ARMC2: variants seen among roughly 807,000 people sequenced by gnomAD.
The protein encoded by ARMC2 is armadillo repeat-containing protein 2.
A neutral mutation model predicts 90.3 loss-of-function variants in ARMC2; 67 were observed. The observed-to-expected ratio is 0.74, with a 90% CI of 0.61 to 0.91. The LOEUF (loss-of-function observed/expected upper bound fraction) is 0.91. Among genes scored for constraint, ARMC2 ranks in the 40% least tolerant of loss-of-function variants. ARMC2 has a pLI of 0.00. For synonymous variants in ARMC2, 393 were observed against 393.0 expected (o/e 1.00, Z 0.00); for missense variants, 920 against 1,030.9 (o/e 0.89, Z 1.47).
intron 1 of ARMC2, among the ~76,000 whole-genome samples, chr6:108,850,220 T>G (rs1372731461): frequency 6.6e-6 from 1 of 152,238 alleles, no homozygotes; most frequent in African/African-American, 2.4e-5. Flanking sequence ...GCTGGTGGTG[T>G]TCACCCTCTA....
At chr6:108,888,296 C>G (rs1327743865) in intron 5 of ARMC2, among the ~76,000 whole-genome samples, 1 of 152,174 alleles carries the variant, frequency 6.6e-6, no homozygotes, top group Non-Finnish European at 1.5e-5. Flanking sequence ...CTGTGCCAAG[C>G]AATCGCACAT....
At chr6:108,937,115 T>TA (rs1381981373) in intron 12 of ARMC2, 116 bp downstream of exon 12, 1 of 896,360 alleles carries the variant, frequency 1.1e-6, no homozygotes, top group African/African-American at 1.7e-5. Flanking sequence ...AAACTTCCAT[T>TA]AAATGTATAA....
chr6:108,855,127 A>G (rs921753666), intron 2 of ARMC2, among the ~76,000 whole-genome samples: 13 of 152,198 alleles, frequency 8.5e-5, no homozygotes, highest in African/African-American at 2.7e-4. Flanking sequence ...CAGTTTATCT[A>G]TCCATTCACC....
rs1481979696 is a variant in ARMC2 at position 108,973,770 on chromosome 6, T to A, written c.*256T>A. 1 of 322,134 alleles carries A rather than the reference T, an allele frequency of 3.1e-6. No individual in the cohort carries two copies. Among genetic ancestry groups the A allele is most frequent in the East Asian group, 5.3e-5 (1 of 19,008 alleles). 20.0% of individuals were successfully genotyped at this position (322,134 alleles called of 1,614,324 possible). On this transcript the variant is annotated 3_prime_UTR_variant, in exon 18 of 18. Transcript: ENST00000392644. ...ATATGTGCATTTTCAAGTAAATGAC[T>A]TTTTCTTCTATTCTCTATTAAACAA...
chr6:108,904,501 A>G (rs1772469756), intron 8 of ARMC2, 96 bp downstream of exon 8: 1 of 1,197,938 alleles, frequency 8.3e-7, no homozygotes, highest in Non-Finnish European at 1.1e-6. Flanking sequence ...TTAGAAATGC[A>G]GTGTATTTGT....
chr6:108,918,568 G>T (rs147232897), intron 10 of ARMC2, among the ~76,000 whole-genome samples: 1 of 151,538 alleles, frequency 6.6e-6, no homozygotes, highest in Non-Finnish European at 1.5e-5. Context: ...ATTGTTTGCC[G>T]TTGGGAACCC....
At chr6:108,902,241 T>A (rs1772231186) in intron 7 of ARMC2, among the ~76,000 whole-genome samples, 1 of 152,250 alleles carries the variant, frequency 6.6e-6, no homozygotes, top group African/African-American at 2.4e-5. Context: ...CTTTTGAAGC[T>A]ATAGAGCATT....
chr6:108,972,724 C>T (rs6927930), intron 17 of ARMC2, among the ~76,000 whole-genome samples: 7,198 of 152,142 alleles, frequency 0.047, 309 homozygotes, highest in African/African-American at 0.12. Flanking sequence ...ATGGCGGTGG[C>T]ATGATCGTGC....
chr6:108,899,397 C>T (rs1323477765), intron 6 of ARMC2, among the ~76,000 whole-genome samples: 2 of 152,128 alleles, frequency 1.3e-5, no homozygotes, highest in East Asian at 3.8e-4. Context: ...TAAAAATGTA[C>T]TCAAAACTGT....
At chr6:109,026,415 C>G in the ARMC2 span, among the ~76,000 whole-genome samples, 1 of 152,234 alleles carries the variant, frequency 6.6e-6, no homozygotes, top group Non-Finnish European at 1.5e-5. Context: ...ACATTCTGTA[C>G]GAATTCTGAA....
intron 11 of ARMC2, among the ~76,000 whole-genome samples, chr6:108,933,986 A>G (rs1024644758): frequency 4.6e-5 from 7 of 152,094 alleles, no homozygotes; most frequent in South Asian, 2.1e-4. Context: ...CTCAGCCTCC[A>G]GAGTAGCTGG....
At chr6:108,909,629 G>A (rs367853931) in intron 8 of ARMC2, among the ~76,000 whole-genome samples, 2 of 152,012 alleles carry the variant, frequency 1.3e-5, no homozygotes, top group Admixed American at 6.5e-5. Flanking sequence ...TCCGCCTCCC[G>A]GGTTCAAGTG....
rs545067465 is a variant in ARMC2 at position 108,900,433 on chromosome 6, C to T, written c.847+641C>T. On this transcript the variant is annotated intron_variant, in intron 7 of 17. Transcript: ENST00000392644. Reference sequence around the variant, plus strand: ...AGCTAGCTCCTCAAGGATTCTCTTTCTGAAGTTAACCAGGCTCCTCTGGAG... The same window carrying T: ...AGCTAGCTCCTCAAGGATTCTCTTTTTGAAGTTAACCAGGCTCCTCTGGAG... Among the ~76,000 whole-genome samples the T allele has an allele frequency of 1.3e-4, 20 of 152,334 alleles. 1 individual carries two copies. The South Asian group carries it at 3.7e-3, about 28-fold the overall frequency.
chr6:109,004,352 C>G, the ARMC2 span, among the ~76,000 whole-genome samples: 3 of 151,556 alleles, frequency 2.0e-5, no homozygotes, highest in Non-Finnish European at 4.4e-5. Context: ...AAACAGAAAG[C>G]TAGGAATTAT....
intron 13 of ARMC2, 37 bp downstream of exon 13, chr6:108,953,388 C>A: frequency 5.2e-6 from 8 of 1,550,752 alleles, no homozygotes; most frequent in Non-Finnish European, 6.1e-6. Flanking sequence ...GCAGACACAA[C>A]CAACTTTCCC....
chr6:108,977,244 T>A (rs1360367926), downstream of ARMC2, among the ~76,000 whole-genome samples: 1 of 152,238 alleles, frequency 6.6e-6, no homozygotes, highest in African/African-American at 2.4e-5. Context: ...CTTTTCTGCA[T>A]CTATTGAGAT....
At chr6:108,985,002 A>ATCTT in the ARMC2 span, among the ~76,000 whole-genome samples, 1 of 152,200 alleles carries the variant, frequency 6.6e-6, no homozygotes, top group African/African-American at 2.4e-5. Flanking sequence ...CAAGTCCATC[A>ATCTT]TCTTGCTGAC....
rs573389806 is a variant in ARMC2, at chr6:108,879,598, C to T, written c.671+3248C>T. On this transcript the variant is annotated intron_variant, in intron 5 of 17. Coordinates refer to ENST00000392644, the MANE Select transcript of ARMC2 (RefSeq NM_032131.6). ...TCTATTCACCCACCTGTTCGTCCATCCATCCATCCATCCATCCATCCATGG... is the reference window on the plus strand; with the variant it reads ...TCTATTCACCCACCTGTTCGTCCATTCATCCATCCATCCATCCATCCATGG... 2.6e-4 allele frequency among the ~76,000 whole-genome samples: 38 copies of T among 144,010 alleles called. 1 individual carries two copies. The East Asian group carries it at 8.1e-3, about 31-fold the overall frequency. The allele number at this position is 144,010 out of a possible 152,430, so 94.5% of individuals were successfully genotyped here.
At chr6:108,863,409 T>C (rs1775486432) in intron 3 of ARMC2, among the ~76,000 whole-genome samples, 1 of 152,202 alleles carries the variant, frequency 6.6e-6, no homozygotes, top group Non-Finnish European at 1.5e-5. Context: ...TTAACGTTTA[T>C]ATCTACCTGC....
Sources: gnomAD v4.1 joint callset for allele counts (sites outside exome capture counted in the v4.1 genomes callset) on GRCh38, gnomAD v4.1.1 for gene constraint, MANE v1.5 for transcripts, NCBI Gene and HGNC (gene_info 2026-07-23, HGNC 2026-07-21) for gene names.